The following EXOC2 variants were observed in gnomAD, a reference collection of about 807,000 sequenced individuals.
EXOC2 encodes exocyst complex component 2, also known as SEC5-like 1.
Under a neutral mutation model 131.8 loss-of-function variants are expected in EXOC2, and 70 were observed. That is an observed-to-expected ratio of 0.53 (90% confidence interval 0.44 to 0.65). The LOEUF (loss-of-function observed/expected upper bound fraction) is 0.65. Among genes scored for constraint, EXOC2 ranks in the 30% least tolerant of loss-of-function variants. The pLI is 0.00. For missense variants in EXOC2, 923 were observed against 1,108.6 expected (o/e 0.83, Z 2.38); for synonymous variants, 411 against 398.4 (o/e 1.03, Z -0.38).
At chr6:626,467 T>C (rs1461439921) in intron 4 of EXOC2, among the ~76,000 whole-genome samples, 1 of 152,178 alleles carries the variant, frequency 6.6e-6, no homozygotes, top group Admixed American at 6.5e-5. Flanking sequence ...GCCCCTCACG[T>C]TCCCAGTGTG....
chr6:504,212 CG>C lies in EXOC2; in HGVS notation c.2381-4513del, dbSNP rs1326369645. 1.3e-5 allele frequency among the ~76,000 whole-genome samples: 2 copies of C among 152,208 alleles called. 1 individual carries two copies. Among genetic ancestry groups the C allele is most frequent in the East Asian group, 3.9e-4 (2 of 5,182 alleles). On this transcript the variant is annotated intron_variant, in intron 23 of 27. Transcript: ENST00000230449. ...GGCCCAGACCAGGCAGGGGCTGGGACGGTGACGTACGGTGATGCAGGGCTCG... is the reference window on the plus strand; with the variant it reads ...GGCCCAGACCAGGCAGGGGCTGGGACGTGACGTACGGTGATGCAGGGCTCG...
chr6:513,342 G>T (rs1048716843), intron 23 of EXOC2, among the ~76,000 whole-genome samples: 1 of 152,206 alleles, frequency 6.6e-6, no homozygotes, highest in African/African-American at 2.4e-5. Context: ...ATGATCTGCC[G>T]AACCTGTTTT....
intron 13 of EXOC2, among the ~76,000 whole-genome samples, chr6:567,097 G>C (rs1758006224): frequency 6.6e-6 from 1 of 152,132 alleles, no homozygotes; most frequent in Non-Finnish European, 1.5e-5. Flanking sequence ...CCCCACATTT[G>C]TCCCCACCAA....
intron 1 of EXOC2, among the ~76,000 whole-genome samples, chr6:690,930 A>T (rs796790223): frequency 9.8e-5 from 15 of 152,308 alleles, no homozygotes; most frequent in African/African-American, 3.6e-4. Context: ...TGATCAATGA[A>T]TGTTATTTCC....
chr6:508,260 A>T lies in EXOC2; in HGVS notation c.2381-8560T>A, dbSNP rs571639851. On this transcript the variant is annotated intron_variant, in intron 23 of 27. Coordinates refer to ENST00000230449, the MANE Select transcript of EXOC2 (RefSeq NM_018303.6). Reference sequence around the variant, plus strand: ...CCCCAACTGTCAGCATCCCCACCAGAGGGGTGCATTTGTTACAGTCGAAAG... The same window carrying T: ...CCCCAACTGTCAGCATCCCCACCAGTGGGGTGCATTTGTTACAGTCGAAAG... Among the ~76,000 whole-genome samples, 5 of 151,224 alleles carry T rather than the reference A, an allele frequency of 3.3e-5. No homozygotes were observed. In the East Asian group the frequency reaches 9.8e-4, roughly 30 times the overall value.
chr6:610,686 G>A (rs577128839), intron 6 of EXOC2, among the ~76,000 whole-genome samples: 1 of 152,210 alleles, frequency 6.6e-6, no homozygotes, highest in Non-Finnish European at 1.5e-5. Context: ...AAGCATTTCA[G>A]ATAATTGGTC....
At chr6:564,762 T>G in intron 14 of EXOC2, 60 bp from the exon 15 acceptor site, 1 of 1,573,654 alleles carries the variant, frequency 6.4e-7, no homozygotes, top group Non-Finnish European at 8.6e-7. Flanking sequence ...TTACATTAAC[T>G]AAAAGATGCT....
At chr6:503,479 C>T (rs775942881) in intron 23 of EXOC2, among the ~76,000 whole-genome samples, 1 of 152,150 alleles carries the variant, frequency 6.6e-6, no homozygotes, top group Non-Finnish European at 1.5e-5. Flanking sequence ...GTATTTATTA[C>T]GCATTTGCCC....
chr6:578,524 C>T lies in EXOC2; in HGVS notation c.1193-1642G>A, dbSNP rs1288394921. On this transcript the variant is annotated intron_variant, in intron 11 of 27. Transcript: ENST00000230449. ...CTTGATCTGACTGAGGCCCTCCTAC[C>T]GTGTGCCCCTGGACGTGACACACTA... Among the ~76,000 whole-genome samples the T allele has an allele frequency of 3.3e-5, 5 of 152,164 alleles. No individual in the cohort carries two copies. In the East Asian group the frequency reaches 9.6e-4, roughly 29 times the overall value.
At chr6:512,638 T>C (rs553756679) in intron 23 of EXOC2, among the ~76,000 whole-genome samples, 41 of 152,290 alleles carry the variant, frequency 2.7e-4, no homozygotes, top group South Asian at 4.1e-4. Context: ...CTGCTGTATT[T>C]ACAAACATGA....
intron 1 of EXOC2, among the ~76,000 whole-genome samples, chr6:674,760 T>C (rs1251420992): frequency 6.6e-6 from 1 of 152,120 alleles, no homozygotes; most frequent in African/African-American, 2.4e-5. Context: ...TGCTTTATGA[T>C]GCTTTGACAT....
rs138245785 is a variant in EXOC2, at chr6:667,679, C to A, written c.-44+25340G>T. ...AGGCTTATACCAGTGACCCCTGCCC[C>A]CCAGGTTCTGAGGCCTTTGGCCTCA... On this transcript the variant is annotated intron_variant, in intron 1 of 27. Transcript: ENST00000230449. 8.8e-3 allele frequency among the ~76,000 whole-genome samples: 852 copies of A among 96,950 alleles called. 320 individuals are homozygous for A. The highest frequency in any genetic ancestry group is 0.016 in the Non-Finnish European group (636 of 40,910). 63.6% of individuals were successfully genotyped at this position (96,950 alleles called of 152,430 possible).
intron 1 of EXOC2, among the ~76,000 whole-genome samples, chr6:650,395 T>A (rs1762776655): frequency 6.6e-6 from 1 of 152,228 alleles, no homozygotes; most frequent in South Asian, 2.1e-4. Flanking sequence ...ATTCAGCAAC[T>A]AATGCATGAC....
intron 1 of EXOC2, among the ~76,000 whole-genome samples, chr6:687,929 G>C (rs943460223): frequency 1.3e-5 from 2 of 152,212 alleles, no homozygotes; most frequent in African/African-American, 2.4e-5. Context: ...CTGTCTCTAA[G>C]CATGTATAAA....
chr6:566,298 T>C (rs985902540), intron 13 of EXOC2, among the ~76,000 whole-genome samples: 1 of 152,162 alleles, frequency 6.6e-6, no homozygotes. Flanking sequence ...CTGTGAGGCC[T>C]ACATTAAGAA....
intron 21 of EXOC2, among the ~76,000 whole-genome samples, chr6:550,198 C>T (rs1375373124): frequency 6.6e-6 from 1 of 152,180 alleles, no homozygotes; most frequent in African/African-American, 2.4e-5. Context: ...TGGCAAAAAA[C>T]ACTTTCCATC....
chr6:596,131 C>T (rs1254624769), intron 10 of EXOC2, among the ~76,000 whole-genome samples: 1 of 151,960 alleles, frequency 6.6e-6, no homozygotes, highest in East Asian at 1.9e-4. Context: ...ACATCCCGCA[C>T]AGCGCCTGAG....
At chr6:656,756 G>A in intron 1 of EXOC2, 1 of 1,589,918 alleles carries the variant, frequency 6.3e-7, no homozygotes, top group Non-Finnish European at 8.6e-7. Flanking sequence ...GAAACTGCTG[G>A]AAGGCCCCCT....
chr6:505,834 C>T (rs1279439392), intron 23 of EXOC2, among the ~76,000 whole-genome samples: 1 of 152,220 alleles, frequency 6.6e-6, no homozygotes, highest in Non-Finnish European at 1.5e-5. Context: ...TCAAAAATAT[C>T]CGTGAATGAC....
Sources: allele counts gnomAD v4.1 joint callset (sites outside exome capture counted in the v4.1 genomes callset), GRCh38; gene constraint gnomAD v4.1.1; transcripts MANE v1.5; gene names NCBI Gene and HGNC (gene_info 2026-07-23, HGNC 2026-07-21).